Variants in NPC1L1 observed in about 807,000 individuals in gnomAD.
NPC1L1 encodes NPC1-like intracellular cholesterol transporter 1.
A neutral mutation model predicts 117.0 loss-of-function variants in NPC1L1; 98 were observed. The observed-to-expected ratio is 0.84, with a 90% CI of 0.71 to 0.99. The LOEUF (loss-of-function observed/expected upper bound fraction) is 0.99, where lower values mean the gene tolerates loss of function less well. NPC1L1 is among the 50% of genes least tolerant of loss of function. The pLI is 0.00. For synonymous variants in NPC1L1, 729 were observed against 727.6 expected (o/e 1.00, Z -0.03); for missense variants, 1,540 against 1,710.0 (o/e 0.90, Z 1.75).
chr7:44,525,576 CA>C (rs1279882877), intron 10 of NPC1L1, among the ~76,000 whole-genome samples: 1 of 151,936 alleles, frequency 6.6e-6, no homozygotes, highest in African/African-American at 2.4e-5. Flanking sequence ...ATTTAGCTGT[CA>C]AAAACCAAAG....
chr7:44,538,648 C>T lies in NPC1L1; in HGVS notation c.1580+169G>A, dbSNP rs987135599. ...AACTCTGACCAAAGGAAATGGCGGC[C>T]GGACGAGGGGCAGAGATAATCATCT... is the stretch of plus-strand genomic sequence containing the variant. On this transcript the variant is annotated intron_variant, in intron 2 of 18. Coordinates refer to ENST00000381160, the MANE Select transcript of NPC1L1 (RefSeq NM_001101648.2). The surrounding 1 kb of genome is among the most constrained non-coding windows in gnomAD (Gnocchi z 5.9). 2.0e-5 allele frequency among the ~76,000 whole-genome samples: 3 copies of T among 152,154 alleles called. No homozygotes were observed. Among genetic ancestry groups the T allele is most frequent in the Non-Finnish European group, 4.4e-5 (3 of 68,030 alleles).
intron 10 of NPC1L1, among the ~76,000 whole-genome samples, chr7:44,530,684 T>C (rs1801669355): frequency 6.6e-6 from 1 of 152,146 alleles, no homozygotes. Context: ...ATCACATCCT[T>C]CCTTCTTGCT....
In NPC1L1 at chr7:44,539,511, C is replaced by A. The variant is rs763453862; in HGVS notation, c.886G>T (p.Ala296Ser). The A allele has an allele frequency of 1.2e-6, 2 of 1,613,336 alleles. No homozygotes were observed. The highest frequency in any genetic ancestry group is 1.3e-5 in the African/African-American group (1 of 74,938). Reference protein sequence around the residue: ...VLIIILCSVFAVVTILLVGFR... With the variant: ...VLIIILCSVFSVVTILLVGFR... The stretch of plus-strand genomic sequence containing the variant: ...CCCACAAGCAGGATGGTGACCACAG[C>A]GAAGACAGAGCAGAGGATGATGATG... The change falls in exon 2 of 19, where the codon GCT (alanine) becomes TCT (serine). Residue 296 changes from alanine (A) to serine (S), a missense_variant. By Grantham distance (99) the Ala-to-Ser change is moderately conservative. Transcript: ENST00000381160. This position sits in a 1 kb window ranked among gnomAD's most constrained non-coding sequence, Gnocchi z 4.4.
chr7:44,520,771 C>T lies in NPC1L1; in HGVS notation c.3130G>A (p.Val1044Ile). 2 of 1,614,088 alleles carry T rather than the reference C, an allele frequency of 1.2e-6. No homozygotes were observed. The highest frequency in any genetic ancestry group is 8.5e-7 in the Non-Finnish European group (1 of 1,179,990). ...CAGGCAAGGCCATGCTTACCTAAAA[C>T]CTGGCCATCTGAAGTCAAGTTCACA... ...TSVNLTSDGQ[V>I]LASRFMAYHK... The change falls in exon 14 of 19, where the codon GTT becomes ATT. Residue 1044 changes from valine to isoleucine, a missense_variant. By Grantham distance (29) the Val-to-Ile change is conservative (BLOSUM62 3). Coordinates refer to ENST00000381160, the MANE Select transcript of NPC1L1 (RefSeq NM_001101648.2).
Position 44,540,209 on chromosome 7 carries a change from G to C in NPC1L1, c.188C>G (p.Ala63Gly), listed in dbSNP as rs1802050502. The C allele has an allele frequency of 6.2e-7, 1 of 1,614,004 alleles. No homozygotes were observed. Among genetic ancestry groups the C allele is most frequent in the African/African-American group, 1.3e-5 (1 of 74,890 alleles). The change falls in exon 2 of 19, where the codon GCC (alanine) becomes GGC (glycine). Residue 63 changes from alanine (A) to glycine (G), a missense_variant. By Grantham distance (60) the Ala-to-Gly change is moderately conservative (BLOSUM62 0). This residue lies in a region of NPC1L1 where 793 missense variants were observed against 820.4 expected (regional missense o/e 0.97). Transcript: ENST00000381160. ...CAGGTGATCACCTGTGATCTTGCGG[G>C]CCGGCGTGTTGGACAGGCAGGACAC... ...SNVSCLSNTP[A>G]RKITGDHLIL...
At chr7:44,535,226 G>A (rs908957717) in intron 5 of NPC1L1, among the ~76,000 whole-genome samples, 20 of 152,252 alleles carry the variant, frequency 1.3e-4, no homozygotes, top group South Asian at 4.1e-4. Context: ...TTAGCCAGGC[G>A]TGGTGACACA....
rs1280579990 is a variant in NPC1L1, at chr7:44,534,547, T to C, written c.2066A>G (p.Tyr689Cys). ...AVMAAMGFFS[Y>C]LGIRSSLVIL... ...GACCAGGGAGGAGCGGATACCCAAG[T>C]AGGAGAAGAAGCCCATGGCAGCCAT... Residue 689 changes from tyrosine (Y) to cysteine (C), a missense_variant, in exon 6 of 19, where the codon TAC becomes TGC. Coordinates refer to ENST00000381160, the MANE Select transcript of NPC1L1 (RefSeq NM_001101648.2). This position sits in a 1 kb window ranked among gnomAD's most constrained non-coding sequence, Gnocchi z 5.2. The C allele has an allele frequency of 3.7e-6, 6 of 1,613,912 alleles. No homozygotes were observed. Among genetic ancestry groups the C allele is most frequent in the South Asian group, 1.1e-5 (1 of 91,080 alleles).
rs1563202641 is a variant in NPC1L1 at position 44,520,813 on chromosome 7, C to A, written c.3088G>T (p.Ala1030Ser). 6.2e-7 allele frequency: 1 copy of A among 1,614,110 alleles called. No individual in the cohort carries two copies. The highest frequency in any genetic ancestry group is 2.2e-5 in the East Asian group (1 of 44,882). ...PNIKCPKGGL[A>S]AYSTSVNLTS... ...AAGTTCACAGAGGTGCTGTATGCTG[C>A]CAGGCCGCTGCAAGAAGGTCAGGGC... Residue 1030 changes from alanine to serine, a missense_variant, in exon 14 of 19, where the codon GCA becomes TCA. By Grantham distance (99) the Ala-to-Ser change is moderately conservative. This residue lies in a region of NPC1L1 where 742 missense variants were observed against 873.6 expected (regional missense o/e 0.85). Transcript: ENST00000381160.
At position 44,529,110 on chromosome 7, in the gene NPC1L1, AACACACACACACACAC is replaced by A. The variant is rs59108479; in HGVS notation, c.2637+2629_2637+2644del. On this transcript the variant is annotated intron_variant, in intron 10 of 18. Coordinates refer to ENST00000381160, the MANE Select transcript of NPC1L1 (RefSeq NM_001101648.2). ...AAAAAAAGAGTGGTAGAATGAATTA[AACACACACACACACAC>A]ACACACACACACACACACACACACA... Among the ~76,000 whole-genome samples the A allele has an allele frequency of 7.2e-3, 882 of 123,020 alleles. 6 individuals carry two copies. Among genetic ancestry groups the A allele is most frequent in the Non-Finnish European group, 8.6e-3 (516 of 60,228 alleles). The allele number at this position is 123,020 out of a possible 152,430, so 80.7% of individuals were successfully genotyped here. A position where few individuals can be genotyped will look rare whatever the true frequency, so the allele number is the denominator to read the frequency against.
At chr7:44,519,977 T>A (rs948061172) in intron 14 of NPC1L1, among the ~76,000 whole-genome samples, 2 of 152,002 alleles carry the variant, frequency 1.3e-5, no homozygotes, top group Admixed American at 6.6e-5. Context: ...GGCAATTTTT[T>A]AAATTTTACT....
At chr7:44,527,594 CT>C (rs1263344224) in intron 10 of NPC1L1, among the ~76,000 whole-genome samples, 1 of 151,016 alleles carries the variant, frequency 6.6e-6, no homozygotes, top group Non-Finnish European at 1.5e-5. Flanking sequence ...GTGAGAGGAT[CT>C]TTTGAGGCCA....
rs1343659525 is a variant in NPC1L1, at chr7:44,522,037, G to A, written c.2828+15C>T. On this transcript the variant is annotated intron_variant, in intron 11 of 18. Coordinates refer to ENST00000381160, the MANE Select transcript of NPC1L1 (RefSeq NM_001101648.2). ...CAGGGAGTAGGCTGGGGTTTGGGGC[G>A]GGCCAGGAACTCACTGCTCAGGGAA... The A allele has an allele frequency of 9.9e-6, 16 of 1,612,948 alleles. No homozygotes were observed. Among genetic ancestry groups the A allele is most frequent in the Admixed American group, 6.7e-5 (4 of 59,970 alleles).
chr7:44,538,942 G>A lies in NPC1L1; in HGVS notation c.1455C>T (p.Cys485=), dbSNP rs777186237. The A allele has an allele frequency of 6.2e-7, 1 of 1,614,234 alleles. No homozygotes were observed. Among genetic ancestry groups the A allele is most frequent in the Non-Finnish European group, 8.5e-7 (1 of 1,180,036 alleles). The change falls in exon 2 of 19, where the codon TGC becomes TGT. Residue 485 remains cysteine (C), a synonymous_variant. Transcript: ENST00000381160. The surrounding 1 kb of genome is among the most constrained non-coding windows in gnomAD (Gnocchi z 5.9). ...AATACTGCAGGAGGCTGTTGATGCA[G>A]CAGTCGTAGAGACTGGTATTGTCCG... The part of the protein sequence containing the change: ...LNPDNTSLYD[C]CINSLLQYFQ...
Position 44,521,668 on chromosome 7 carries a change from C to A in NPC1L1, c.2953+44G>T, listed in dbSNP as rs376445974. On this transcript the variant is annotated intron_variant, in intron 12 of 18. Transcript: ENST00000381160. ...CTCTCCTTTCTGTTGCCTCAGTTTG[C>A]CCGAGCTGTGGTGGACAGTGAGTCC... 3 of 1,613,344 alleles carry A rather than the reference C, an allele frequency of 1.9e-6. No homozygotes were observed. In the African/African-American group the frequency reaches 4.0e-5, roughly 22 times the overall value.
At chr7:44,521,235 C>T (rs2117031934) in intron 12 of NPC1L1, 117 bp from the exon 13 acceptor site, 9 of 1,370,688 alleles carry the variant, frequency 6.6e-6, no homozygotes, top group South Asian at 3.5e-5. Flanking sequence ...CTCAACCAGT[C>T]GCTTCTAGGG....
At chr7:44,519,589 G>A (rs907071624) in intron 14 of NPC1L1, among the ~76,000 whole-genome samples, 1 of 152,056 alleles carries the variant, frequency 6.6e-6, no homozygotes, top group East Asian at 1.9e-4. Context: ...AGTACAAAGT[G>A]AGATCATCCT....
intron 10 of NPC1L1, among the ~76,000 whole-genome samples, chr7:44,526,915 T>A (rs1438449396): frequency 6.6e-6 from 1 of 151,850 alleles, no homozygotes; most frequent in Non-Finnish European, 1.5e-5. Flanking sequence ...TCTCAGCTAC[T>A]CAGGAGGCTG....
intron 10 of NPC1L1, among the ~76,000 whole-genome samples, chr7:44,529,757 C>T (rs1157522815): frequency 1.3e-5 from 2 of 151,810 alleles, no homozygotes; most frequent in Non-Finnish European, 2.9e-5. Context: ...GTAAATGGGC[C>T]GGGCACAGTG....
intron 10 of NPC1L1, among the ~76,000 whole-genome samples, chr7:44,527,223 C>T (rs2117046566): frequency 6.6e-6 from 1 of 151,976 alleles, no homozygotes; most frequent in East Asian, 1.9e-4. Flanking sequence ...CTTTGGGAGG[C>T]CAAGGCGGGC....
Sources: gnomAD v4.1 joint callset for allele counts (sites outside exome capture counted in the v4.1 genomes callset) on GRCh38, gnomAD v4.1.1 for gene constraint, gnomAD v4.1.1 regional missense constraint, Gnocchi (gnomAD v3.1) non-coding constraint, MANE v1.5 for transcripts, NCBI Gene and HGNC (gene_info 2026-07-23, HGNC 2026-07-21) for gene names.